Variants in RNLS observed in about 807,000 individuals in gnomAD.
RNLS encodes the protein renalase, FAD dependent amine oxidase, also known as renalase.
A neutral mutation model predicts 39.8 loss-of-function variants in RNLS; 39 were observed. That is an observed-to-expected ratio of 0.98 (90% confidence interval 0.76 to 1.28). RNLS has a LOEUF of 1.28. RNLS is among the 50% of genes most tolerant of loss of function. The pLI, the probability that RNLS is intolerant of heterozygous loss-of-function variation, is 0.00. For synonymous variants in RNLS, 147 were observed against 150.7 expected (o/e 0.98, Z 0.18); for missense variants, 410 against 413.3 (o/e 0.99, Z 0.07).
At chr10:88,562,733 C>T (rs1249934279) in intron 4 of RNLS, among the ~76,000 whole-genome samples, 1 of 151,846 alleles carries the variant, frequency 6.6e-6, no homozygotes, top group Non-Finnish European at 1.5e-5. Flanking sequence ...GTACTTACCC[C>T]AATAAATGTA....
chr10:88,508,783 T>C (rs1210687880), intron 4 of RNLS, among the ~76,000 whole-genome samples: 1 of 151,954 alleles, frequency 6.6e-6, no homozygotes, highest in Non-Finnish European at 1.5e-5. Context: ...ACACTGTTTA[T>C]ACAGAGGAAA....
chr10:88,452,887 A>C (rs915152050), intron 4 of RNLS, among the ~76,000 whole-genome samples: 1 of 152,210 alleles, frequency 6.6e-6, no homozygotes, highest in Non-Finnish European at 1.5e-5. Context: ...TTTTGATGAT[A>C]AAAATACAAG....
At chr10:88,500,533 G>A (rs966499777) in intron 4 of RNLS, among the ~76,000 whole-genome samples, 7 of 152,074 alleles carry the variant, frequency 4.6e-5, no homozygotes, top group African/African-American at 1.7e-4. Context: ...ACTTTTACAT[G>A]CTTGTTTTAT....
At chr10:88,501,547 A>G (rs564132172) in intron 4 of RNLS, among the ~76,000 whole-genome samples, 1 of 152,280 alleles carries the variant, frequency 6.6e-6, no homozygotes, top group African/African-American at 2.4e-5. Context: ...AGATTGGAAA[A>G]ATTAAGATAA....
chr10:88,310,882 G>A (rs1162722642), intron 6 of RNLS, among the ~76,000 whole-genome samples: 1 of 146,422 alleles, frequency 6.8e-6, no homozygotes, highest in African/African-American at 2.5e-5. Context: ...GAGTTATTAA[G>A]TGAAGATATA....
chr10:88,535,846 T>C (rs141419546), intron 4 of RNLS, among the ~76,000 whole-genome samples: 68 of 152,272 alleles, frequency 4.5e-4, no homozygotes, highest in African/African-American at 1.5e-3. Context: ...ATATCTCAGA[T>C]GAACCTTTTC....
intron 5 of RNLS, among the ~76,000 whole-genome samples, chr10:88,353,526 T>C (rs1157816673): frequency 6.6e-6 from 1 of 152,204 alleles, no homozygotes; most frequent in Non-Finnish European, 1.5e-5. Flanking sequence ...CAGTTTTGAG[T>C]GAGTTTCTTA....
At chr10:88,505,948 C>T (rs1228644430) in intron 4 of RNLS, among the ~76,000 whole-genome samples, 1 of 152,144 alleles carries the variant, frequency 6.6e-6, no homozygotes, top group Admixed American at 6.6e-5. Context: ...TACAGACTTA[C>T]TTGTTAAACT....
chr10:88,302,445 G>A (rs142121785), intron 6 of RNLS, among the ~76,000 whole-genome samples: 1 of 152,158 alleles, frequency 6.6e-6, no homozygotes, highest in Admixed American at 6.5e-5. Context: ...GTCTTTGAAG[G>A]TTGCCAGATT....
intron 4 of RNLS, among the ~76,000 whole-genome samples, chr10:88,521,794 ATGAC>A (rs902641418): frequency 2.6e-5 from 4 of 152,048 alleles, no homozygotes; most frequent in Admixed American, 6.6e-5. Context: ...ACCAAAGAAA[ATGAC>A]AGAGAGAATA....
the RNLS span, among the ~76,000 whole-genome samples, chr10:88,254,232 C>T: frequency 2.6e-5 from 4 of 152,312 alleles, no homozygotes; most frequent in African/African-American, 4.8e-5. Context: ...GGCAATGAAG[C>T]GAGCCCCCAG....
chr10:88,376,914 T>C (rs1851046813), intron 4 of RNLS, among the ~76,000 whole-genome samples: 1 of 152,142 alleles, frequency 6.6e-6, no homozygotes, highest in Non-Finnish European at 1.5e-5. Context: ...TTCAATAGTC[T>C]TGTTAAAAAT....
intron 4 of RNLS, among the ~76,000 whole-genome samples, chr10:88,531,039 GA>G (rs1213317749): frequency 2.0e-5 from 3 of 151,836 alleles, no homozygotes; most frequent in East Asian, 3.9e-4. Flanking sequence ...AGATGGGAAG[GA>G]AAAAAAGTTT....
chr10:88,249,956 G>A, the RNLS span, among the ~76,000 whole-genome samples: 1 of 152,102 alleles, frequency 6.6e-6, no homozygotes, highest in African/African-American at 2.4e-5. Flanking sequence ...ATCATCCCTG[G>A]GTTACCAATC....
chr10:88,433,839 G>A (rs1855284211), intron 4 of RNLS, among the ~76,000 whole-genome samples: 1 of 151,972 alleles, frequency 6.6e-6, no homozygotes, highest in Non-Finnish European at 1.5e-5. Context: ...AGGTTACAGT[G>A]CTGAAATCAA....
the RNLS span, among the ~76,000 whole-genome samples, chr10:88,210,179 C>G: frequency 1.3e-5 from 2 of 152,178 alleles, no homozygotes; most frequent in African/African-American, 4.8e-5. Context: ...ATATGGGATT[C>G]TTTGCTTGCC....
intron 4 of RNLS, among the ~76,000 whole-genome samples, chr10:88,531,562 A>G (rs1180689051): frequency 6.6e-6 from 1 of 151,904 alleles, no homozygotes; most frequent in Non-Finnish European, 1.5e-5. Flanking sequence ...CACTCAAACC[A>G]CTCTGTAGAT....
At chr10:88,274,551 C>G (rs1336832120) in exon 7 of RNLS, 1 of 164,554 alleles carries the variant, frequency 6.1e-6, no homozygotes, top group Non-Finnish European at 1.3e-5. Flanking sequence ...AAACAATAGC[C>G]CATTGTATGT....
intron 5 of RNLS, among the ~76,000 whole-genome samples, chr10:88,346,981 G>T (rs1335608162): frequency 2.0e-5 from 3 of 152,096 alleles, no homozygotes; most frequent in Non-Finnish European, 4.4e-5. Flanking sequence ...TCTTTTCTGA[G>T]GGAGCTCTAG....
Sources: gnomAD v4.1 joint callset for allele counts (sites outside exome capture counted in the v4.1 genomes callset) on GRCh38, gnomAD v4.1.1 for gene constraint, MANE v1.5 for transcripts, NCBI Gene and HGNC (gene_info 2026-07-23, HGNC 2026-07-21) for gene names.